Variants in TMEM232 observed in about 807,000 individuals in gnomAD.
TMEM232 encodes the protein transmembrane protein 232.
In TMEM232, 80 loss-of-function variants were observed where a neutral mutation model predicts 78.8. The observed-to-expected ratio is 1.01, with a 90% CI of 0.85 to 1.22. TMEM232 has a LOEUF of 1.22. Among genes scored for constraint, TMEM232 ranks in the 50% most tolerant of loss-of-function variants. The probability of loss-of-function intolerance (pLI) is 0.00; values close to 1 mark genes in which losing one functional copy is unlikely to be tolerated. For missense variants in TMEM232, 881 were observed against 742.2 expected (o/e 1.19, Z -2.17); for synonymous variants, 297 against 254.3 (o/e 1.17, Z -1.60).
chr5:110,596,406 T>A (rs1311272271), intron 10 of TMEM232, among the ~76,000 whole-genome samples: 1 of 152,142 alleles, frequency 6.6e-6, no homozygotes, highest in African/African-American at 2.4e-5. Flanking sequence ...CAGGACCAGA[T>A]GGATTCACAG....
chr5:110,417,618 C>CTTTTTTTTTTT (rs1181888424), downstream of TMEM232: 13 of 119,272 alleles, frequency 1.1e-4, no homozygotes, highest in East Asian at 2.4e-4. Flanking sequence ...TTTTCTTTTT[C>CTTTTTTTTTTT]TTTTTTTTTT....
chr5:110,667,589 C>CTAAA, intron 1 of TMEM232: 1 of 253,966 alleles, frequency 3.9e-6, no homozygotes, highest in Non-Finnish European at 7.3e-6. Context: ...CTTTATTATG[C>CTAAA]TTTAGCAGTT....
At position 110,473,844 on chromosome 5, in the gene TMEM232, T is replaced by C. The variant is rs1412341914; in HGVS notation, c.1704-48928A>G. 4.5e-5 allele frequency among the ~76,000 whole-genome samples: 4 copies of C among 89,782 alleles called. No individual in the cohort carries two copies. In the Admixed American group the frequency reaches 4.8e-4, roughly 11 times the overall value. The allele number at this position is 89,782 out of a possible 152,430, so 58.9% of individuals were successfully genotyped here. ...GGAAATTCTATGATATGCAATAACA[T>C]AGATAAACCTGGAGGACATTCTGTT... On this transcript the variant is annotated intron_variant, in intron 12 of 13. Coordinates refer to ENST00000455884, the MANE Select transcript of TMEM232 (RefSeq NM_001039763.4).
intron 11 of TMEM232, among the ~76,000 whole-genome samples, chr5:110,530,733 G>A (rs1222303404): frequency 6.6e-6 from 1 of 152,122 alleles, no homozygotes; most frequent in South Asian, 2.1e-4. Context: ...GTGAAGGGCT[G>A]GGGAGATGTT....
At chr5:110,568,646 T>G in intron 10 of TMEM232, 21 bp from the exon 11 acceptor site, 1 of 1,519,042 alleles carries the variant, frequency 6.6e-7, no homozygotes, top group Non-Finnish European at 8.8e-7. Flanking sequence ...AGAAAAAGTC[T>G]TTGGGAATTA....
chr5:110,437,236 T>C (rs150286007), intron 12 of TMEM232, among the ~76,000 whole-genome samples: 1 of 152,110 alleles, frequency 6.6e-6, no homozygotes, highest in African/African-American at 2.4e-5. Context: ...ATTGATATAT[T>C]TTTCAGATTG....
chr5:110,504,546 C>A (rs1766648685), intron 12 of TMEM232, among the ~76,000 whole-genome samples: 1 of 152,178 alleles, frequency 6.6e-6, no homozygotes, highest in Non-Finnish European at 1.5e-5. Context: ...CCAAGATCTG[C>A]AGTTGGCAAG....
In TMEM232 at chr5:110,394,301, A is replaced by T. The variant is rs547270736; in HGVS notation, n.390+3472T>A. Among the ~76,000 whole-genome samples the T allele has an allele frequency of 2.3e-4, 35 of 152,308 alleles. No homozygotes were observed. The South Asian group carries it at 7.0e-3, about 31-fold the overall frequency. On this transcript the variant is annotated intron_variant and non_coding_transcript_variant, in intron 3 of 8. Transcript: ENST00000507188. ...TCAAGATCTCATTCTTTTTATGTCT[A>T]CATGGTACTCCATTGTGTATATGCA... is the stretch of plus-strand genomic sequence containing the variant.
chr5:110,707,937 G>A (rs1796103545), intron 1 of TMEM232, among the ~76,000 whole-genome samples: 1 of 152,250 alleles, frequency 6.6e-6, no homozygotes, highest in African/African-American at 2.4e-5. Flanking sequence ...TGCCTTGAAG[G>A]GAAGAACTCA....
At chr5:110,556,705 G>A (rs1310724972) in intron 11 of TMEM232, among the ~76,000 whole-genome samples, 1 of 152,108 alleles carries the variant, frequency 6.6e-6, no homozygotes, top group Non-Finnish European at 1.5e-5. Context: ...CAGAATATAG[G>A]TCCCCAATTT....
intron 12 of TMEM232, among the ~76,000 whole-genome samples, chr5:110,523,030 G>C (rs1351954516): frequency 6.6e-6 from 1 of 152,118 alleles, no homozygotes; most frequent in Non-Finnish European, 1.5e-5. Flanking sequence ...AAGCTACTGG[G>C]CAAGGGCTTT....
chr5:110,685,411 T>A (rs1278840346), intron 1 of TMEM232, among the ~76,000 whole-genome samples: 1 of 152,068 alleles, frequency 6.6e-6, no homozygotes, highest in Non-Finnish European at 1.5e-5. Flanking sequence ...GCCAGTATGA[T>A]CAAAATCATT....
At chr5:110,594,807 C>T (rs917286209) in intron 10 of TMEM232, among the ~76,000 whole-genome samples, 1 of 152,210 alleles carries the variant, frequency 6.6e-6, no homozygotes, top group Non-Finnish European at 1.5e-5. Context: ...AGATAAAACT[C>T]CCATCTCCCT....
intron 2 of TMEM232, among the ~76,000 whole-genome samples, chr5:110,655,242 A>C (rs1226555737): frequency 1.3e-5 from 2 of 151,888 alleles, no homozygotes; most frequent in Non-Finnish European, 1.5e-5. Context: ...AAAAGTGGGC[A>C]AAGGATATGA....
intron 4 of TMEM232, among the ~76,000 whole-genome samples, chr5:110,639,533 A>G (rs1309938965): frequency 2.0e-5 from 3 of 152,130 alleles, no homozygotes; most frequent in South Asian, 4.1e-4. Context: ...TGTGATGACT[A>G]CACAAGCTCA....
intron 1 of TMEM232, among the ~76,000 whole-genome samples, chr5:110,736,423 T>C (rs1229641290): frequency 6.6e-6 from 1 of 152,150 alleles, no homozygotes; most frequent in Non-Finnish European, 1.5e-5. Context: ...AAAGTGAAAC[T>C]ATGCAAGCCC....
chr5:110,410,441 C>T (rs1200022470), intron 2 of TMEM232, among the ~76,000 whole-genome samples: 1 of 152,086 alleles, frequency 6.6e-6, no homozygotes, highest in African/African-American at 2.4e-5. Context: ...ACACTACACT[C>T]AATGTACAAA....
chr5:110,390,316 A>G (rs1405202655), intron 4 of TMEM232: 1 of 152,094 alleles, frequency 6.6e-6, no homozygotes, highest in Non-Finnish European at 1.5e-5. Context: ...AATTTTCTCT[A>G]CTCCCTGCCA....
At chr5:110,522,022 G>C (rs776149937) in intron 12 of TMEM232, among the ~76,000 whole-genome samples, 6 of 152,032 alleles carry the variant, frequency 3.9e-5, no homozygotes, top group Admixed American at 6.6e-5. Flanking sequence ...TGATTGCATT[G>C]AATCTGTGAA....
Sources: gnomAD v4.1 joint callset for allele counts (sites outside exome capture counted in the v4.1 genomes callset) on GRCh38, gnomAD v4.1.1 for gene constraint, MANE v1.5 for transcripts, NCBI Gene and HGNC (gene_info 2026-07-23, HGNC 2026-07-21) for gene names.